The following MTAP variants were observed in gnomAD, a reference collection of about 807,000 sequenced individuals.
MTAP encodes the protein S-methyl-5'-thioadenosine phosphorylase.
Under a neutral mutation model 33.6 loss-of-function variants are expected in MTAP, and 33 were observed. The ratio of observed to expected loss-of-function variants is 0.98; its 90% CI spans 0.74 to 1.31. The LOEUF is 1.31. Ranked by LOEUF, MTAP falls within the 40% of genes most tolerant of loss-of-function variation. The probability of loss-of-function intolerance (pLI) is 0.00; values close to 1 mark genes in which losing one functional copy is unlikely to be tolerated. For missense variants in MTAP, 367 were observed against 360.0 expected (o/e 1.02, Z -0.16); for synonymous variants, 148 against 125.7 (o/e 1.18, Z -1.19).
chr9:21,805,866 G>C (rs1476626963), intron 1 of MTAP, among the ~76,000 whole-genome samples: 1 of 152,178 alleles, frequency 6.6e-6, no homozygotes, highest in Non-Finnish European at 1.5e-5. Context: ...ATGGACTTAA[G>C]CTGATAGTGA....
intron 1 of MTAP, among the ~76,000 whole-genome samples, chr9:21,907,372 C>G (rs1443030212): frequency 1.3e-5 from 2 of 152,192 alleles, no homozygotes; most frequent in Admixed American, 1.3e-4. Context: ...GCCTAGCCAA[C>G]ATGGCAACAA....
chr9:21,908,668 C>T (rs1368166112), intron 1 of MTAP, among the ~76,000 whole-genome samples: 1 of 151,774 alleles, frequency 6.6e-6, no homozygotes, highest in Non-Finnish European at 1.5e-5. Flanking sequence ...TGTTGTTTTC[C>T]TCTATTTGTT....
At chr9:21,856,336 T>G (rs1343871521) in intron 6 of MTAP, 1 of 215,058 alleles carries the variant, frequency 4.6e-6, no homozygotes, top group African/African-American at 2.4e-5. Flanking sequence ...TTCTTTGTTT[T>G]TCATGAATTC....
chr9:21,863,045 A>G lies in MTAP; in HGVS notation c.*1031A>G, dbSNP rs1825784715. On this transcript the variant is annotated 3_prime_UTR_variant, in exon 8 of 8. Transcript: ENST00000644715. ...AAGGGAGTTACATCTTTATTCTGCT[A>G]AAGAAGAGGATCATTGATTTCTGTA... is the stretch of plus-strand genomic sequence containing the variant. 1.0e-6 allele frequency: 1 copy of G among 985,456 alleles called. No individual in the cohort carries two copies. The highest frequency in any genetic ancestry group is 1.2e-6 in the Non-Finnish European group (1 of 829,904). 61.0% of individuals were successfully genotyped at this position (985,456 alleles called of 1,614,324 possible).
In MTAP at chr9:21,818,925, C is replaced by A. The variant is rs1824557165; in HGVS notation, c.347+723C>A. ...TGCTTTGATCAACGTCTCCCCAAACCCCAGCCCCTGGTAACCTTTCTACTC... is the reference window on the plus strand; with the variant it reads ...TGCTTTGATCAACGTCTCCCCAAACACCAGCCCCTGGTAACCTTTCTACTC... On this transcript the variant is annotated intron_variant, in intron 4 of 7. Coordinates refer to ENST00000644715, the MANE Select transcript of MTAP (RefSeq NM_002451.4). Among the ~76,000 whole-genome samples, 3 of 152,120 alleles carry A rather than the reference C, an allele frequency of 2.0e-5. No homozygotes were observed. The South Asian group carries it at 6.2e-4, about 32-fold the overall frequency.
At chr9:21,931,137 C>T (rs926446780) in exon 2 of MTAP, 3 of 759,002 alleles carry the variant, frequency 4.0e-6, no homozygotes, top group East Asian at 2.4e-5. Flanking sequence ...GCCCCTGTCT[C>T]CCTTAGACCT....
chr9:21,907,273 G>A (rs535568885), intron 1 of MTAP, among the ~76,000 whole-genome samples: 11 of 152,308 alleles, frequency 7.2e-5, no homozygotes, highest in South Asian at 4.1e-4. Context: ...AAGGCTAGGC[G>A]CGATGGCTTT....
At chr9:21,915,718 G>A (rs1464909576) in intron 1 of MTAP, among the ~76,000 whole-genome samples, 2 of 151,932 alleles carry the variant, frequency 1.3e-5, no homozygotes, top group African/African-American at 4.8e-5. Context: ...AGAATATACT[G>A]TAAGATAACA....
Position 21,859,379 on chromosome 9 carries a change from C to T in MTAP, c.767C>T (p.Pro256Leu). The T allele has an allele frequency of 1.2e-6, 2 of 1,613,564 alleles. No homozygotes were observed. The highest frequency in any genetic ancestry group is 1.7e-6 in the Non-Finnish European group (2 of 1,179,740). Residue 256 changes from proline (P) to leucine (L), a missense_variant, in exon 7 of 8, where the codon CCT becomes CTT. Pro to Leu is a moderately conservative substitution (Grantham distance 98). Transcript: ENST00000644715. Reference protein sequence around the residue: ...KAKSLLLTTIPQIGSTEWSET... With the variant: ...KAKSLLLTTILQIGSTEWSET... ...AAAAGCTTACTGCTCACTACCATAC[C>T]TCAGATAGGGTCCACAGAATGGTCA... is the stretch of plus-strand genomic sequence containing the variant.
chr9:21,849,681 C>T (rs1256230347), intron 5 of MTAP, among the ~76,000 whole-genome samples: 1 of 152,228 alleles, frequency 6.6e-6, no homozygotes, highest in Non-Finnish European at 1.5e-5. Context: ...ATTAGTACCA[C>T]CATTAAAGAC....
intron 4 of MTAP, among the ~76,000 whole-genome samples, chr9:21,821,032 C>T (rs138229439): frequency 0.028 from 4,267 of 152,216 alleles, 202 homozygotes; most frequent in African/African-American, 0.096. Context: ...TGGGCTGAGA[C>T]GATGGGGTTT....
intron 4 of MTAP, among the ~76,000 whole-genome samples, chr9:21,820,842 A>G (rs1004576138): frequency 1.3e-5 from 2 of 152,014 alleles, no homozygotes; most frequent in African/African-American, 4.8e-5. Context: ...GTCCTTCACA[A>G]CCCTTGTAAG....
At position 21,913,845 on chromosome 9, in the gene MTAP, C is replaced by A. The variant is rs1818627702; in HGVS notation, c.148-17163C>A. 2.0e-5 allele frequency among the ~76,000 whole-genome samples: 3 copies of A among 152,190 alleles called. No homozygotes were observed. In the South Asian group the frequency reaches 6.2e-4, roughly 32 times the overall value. On this transcript the variant is annotated intron_variant, in intron 1 of 1. Transcript: ENST00000577563. ...CTACCAACCTACAGTGAACAGGCAA[C>A]CTACAGAATGGGAGAAAATTTTTGC... is the stretch of plus-strand genomic sequence containing the variant.
chr9:21,822,416 C>T (rs1289442670), intron 4 of MTAP, among the ~76,000 whole-genome samples: 1 of 152,198 alleles, frequency 6.6e-6, no homozygotes, highest in African/African-American at 2.4e-5. Context: ...GCAGGTTCTT[C>T]AATTTCCATG....
chr9:21,929,521 C>A, intron 1 of MTAP: 1 of 311,266 alleles, frequency 3.2e-6, no homozygotes. Context: ...TCCTGATTTC[C>A]TGTTATGAGA....
chr9:21,892,803 C>T (rs1301821964), intron 1 of MTAP: 4 of 152,176 alleles, frequency 2.6e-5, no homozygotes, highest in African/African-American at 9.6e-5. Context: ...GCACACTCCA[C>T]CCAACAACAA....
At position 21,863,121 on chromosome 9, in the gene MTAP, G is replaced by T; in HGVS notation, c.*1107G>T. On this transcript the variant is annotated 3_prime_UTR_variant, in exon 8 of 8. Coordinates refer to ENST00000644715, the MANE Select transcript of MTAP (RefSeq NM_002451.4). ...AACAGCTTTCTGAGAAAAGCTAGGT[G>T]TTTAATAGTTTAACTGAAAGTTTAA... 1 of 980,928 alleles carries T rather than the reference G, an allele frequency of 1.0e-6. No homozygotes were observed. Among genetic ancestry groups the T allele is most frequent in the Non-Finnish European group, 1.2e-6 (1 of 825,868 alleles). 60.8% of individuals were successfully genotyped at this position (980,928 alleles called of 1,614,324 possible). A position where few individuals can be genotyped will look rare whatever the true frequency, so the allele number is the denominator to read the frequency against.
chr9:21,897,497 A>T (rs557321289), intron 1 of MTAP, among the ~76,000 whole-genome samples: 5 of 152,336 alleles, frequency 3.3e-5, no homozygotes, highest in African/African-American at 7.2e-5. Flanking sequence ...GTCTCAGCCC[A>T]AAATCTCCTT....
intron 4 of MTAP, among the ~76,000 whole-genome samples, chr9:21,837,190 G>C (rs1267524624): frequency 6.6e-6 from 1 of 152,108 alleles, no homozygotes. Context: ...ATTAATTACG[G>C]CTGGGAAAAA....
Sources: allele counts gnomAD v4.1 joint callset (sites outside exome capture counted in the v4.1 genomes callset), GRCh38; gene constraint gnomAD v4.1.1; transcripts MANE v1.5; gene names NCBI Gene and HGNC (gene_info 2026-07-23, HGNC 2026-07-21).